Variants in TBCEL observed in about 807,000 individuals in gnomAD.
The protein encoded by TBCEL is tubulin folding cofactor E like.
Under a neutral mutation model 44.2 loss-of-function variants are expected in TBCEL, and 15 were observed. The ratio of observed to expected loss-of-function variants is 0.34; its 90% CI spans 0.23 to 0.52. The LOEUF is 0.52. TBCEL is among the 20% of genes least tolerant of loss of function. TBCEL has a pLI of 0.95. For synonymous variants in TBCEL, 171 were observed against 185.4 expected (o/e 0.92, Z 0.63); for missense variants, 319 against 506.3 (o/e 0.63, Z 3.55).
At chr11:121,043,296 A>G (rs1237545884) in intron 2 of TBCEL, among the ~76,000 whole-genome samples, 3 of 152,142 alleles carry the variant, frequency 2.0e-5, no homozygotes, top group Non-Finnish European at 2.9e-5. Context: ...GATGCTATGA[A>G]TTGATACTGA....
At chr11:121,082,490 T>C (rs563082450) in intron 8 of TBCEL, among the ~76,000 whole-genome samples, 22 of 152,324 alleles carry the variant, frequency 1.4e-4, no homozygotes, top group African/African-American at 4.6e-4. Flanking sequence ...TACCCAGATA[T>C]GGGAGCCAAA....
At chr11:121,041,788 C>A (rs1945337816) in intron 2 of TBCEL, among the ~76,000 whole-genome samples, 1 of 151,860 alleles carries the variant, frequency 6.6e-6, no homozygotes, top group Non-Finnish European at 1.5e-5. Context: ...ATCCATTTCA[C>A]AATCTTGATG....
chr11:121,075,734 T>A (rs1182187901), intron 8 of TBCEL, among the ~76,000 whole-genome samples: 1 of 151,948 alleles, frequency 6.6e-6, no homozygotes, highest in Non-Finnish European at 1.5e-5. Context: ...CATGTGTTGC[T>A]TAATGACAGG....
chr11:121,062,914 T>C (rs886718797), intron 8 of TBCEL, among the ~76,000 whole-genome samples: 1 of 152,176 alleles, frequency 6.6e-6, no homozygotes, highest in Non-Finnish European at 1.5e-5. Flanking sequence ...CATTGGACTT[T>C]TTATTCCCTC....
intron 8 of TBCEL, among the ~76,000 whole-genome samples, chr11:121,076,836 A>T (rs986431692): frequency 2.0e-5 from 3 of 152,002 alleles, no homozygotes; most frequent in African/African-American, 7.2e-5. Context: ...ATTTCCTTCT[A>T]TTCCAAGTTT....
intron 8 of TBCEL, among the ~76,000 whole-genome samples, chr11:121,080,932 G>A (rs562039974): frequency 3.9e-5 from 6 of 152,284 alleles, no homozygotes; most frequent in South Asian, 2.1e-4. Context: ...GTGTATGAAG[G>A]CTTGCTTATT....
chr11:121,038,028 C>T (rs1032353861), intron 2 of TBCEL, among the ~76,000 whole-genome samples: 4 of 151,548 alleles, frequency 2.6e-5, no homozygotes, highest in African/African-American at 9.7e-5. Flanking sequence ...GGCACGATCT[C>T]GACTCACTGC....
At chr11:121,062,497 T>G (rs1945743117) in intron 8 of TBCEL, among the ~76,000 whole-genome samples, 1 of 152,172 alleles carries the variant, frequency 6.6e-6, no homozygotes, top group African/African-American at 2.4e-5. Context: ...GTTATGATGC[T>G]AAGATGTCAC....
In TBCEL at chr11:121,087,091, A is replaced by G; in HGVS notation, c.1270A>G (p.Lys424Glu). The change falls in exon 9 of 9, where the codon AAA (lysine) becomes GAA (glutamate). Residue 424 changes from lysine to glutamate, a missense_variant. Coordinates refer to ENST00000683345, the MANE Select transcript of TBCEL (RefSeq NM_001363644.2). ...GDKIYVESKT[K>E] ...TAAAATTTACGTGGAATCCAAAACA[A>G]AATAACCTCTACCAGCCTTGTGAAA... 6 of 1,612,526 alleles carry G rather than the reference A, an allele frequency of 3.7e-6. No individual in the cohort carries two copies. Among genetic ancestry groups the G allele is most frequent in the Non-Finnish European group, 5.1e-6 (6 of 1,179,358 alleles).
intron 7 of TBCEL, among the ~76,000 whole-genome samples, chr11:121,059,104 A>G (rs953617893): frequency 2.0e-5 from 3 of 151,948 alleles, no homozygotes; most frequent in Admixed American, 2.0e-4. Context: ...TGTATACTAT[A>G]CATAGCAGTT....
chr11:121,036,428 A>T (rs1013529994), intron 1 of TBCEL, 77 bp from the exon 2 acceptor site: 2 of 152,294 alleles, frequency 1.3e-5, no homozygotes, highest in African/African-American at 2.4e-5. Context: ...TTGGAGTAAA[A>T]GTCAGTGAAT....
Position 121,024,112 on chromosome 11 carries a change from CA to C in TBCEL, c.-303del, listed in dbSNP as rs1018401438. On this transcript the variant is annotated 5_prime_UTR_variant, in exon 1 of 9. In the 5' UTR this introduces an upstream ATG that the reference lacks. Coordinates refer to ENST00000683345, the MANE Select transcript of TBCEL (RefSeq NM_001363644.2). Reference sequence around the variant, plus strand: ...TGGGCCGGGAAAGCTGCTTCCGGGTCAATGCAGGACACTGGGCTCCGGCGGC... The same window carrying C: ...TGGGCCGGGAAAGCTGCTTCCGGGTCATGCAGGACACTGGGCTCCGGCGGC... 1 of 152,838 alleles carries C rather than the reference CA, an allele frequency of 6.5e-6. No homozygotes were observed. Among genetic ancestry groups the C allele is most frequent in the Non-Finnish European group, 1.5e-5 (1 of 68,204 alleles). 9.5% of individuals were successfully genotyped at this position (152,838 alleles called of 1,614,324 possible). A position where few individuals can be genotyped will look rare whatever the true frequency, so the allele number is the denominator to read the frequency against.
chr11:121,083,947 AATATCAGGGTG>A lies in TBCEL; in HGVS notation c.957-2830_957-2820del, dbSNP rs1398105505. Among the ~76,000 whole-genome samples the A allele has an allele frequency of 4.6e-5, 7 of 152,202 alleles. No homozygotes were observed. The East Asian group carries it at 1.2e-3, about 25-fold the overall frequency. ...CTCAGTTCTGCAGGCTAGAAAGTCC[AATATCAGGGTG>A]CCAGCATCTGGCTGTGGCTTTTCTA... On this transcript the variant is annotated intron_variant, in intron 8 of 8. Transcript: ENST00000683345.
intron 2 of TBCEL, among the ~76,000 whole-genome samples, chr11:121,042,464 C>A (rs777832814): frequency 2.6e-5 from 4 of 152,122 alleles, no homozygotes; most frequent in Non-Finnish European, 5.9e-5. Flanking sequence ...AATTTTGACA[C>A]ACTCAGTGTT....
chr11:121,047,503 A>C, intron 3 of TBCEL, 25 bp from the exon 4 acceptor site: 1 of 1,608,746 alleles, frequency 6.2e-7, no homozygotes, highest in Non-Finnish European at 8.5e-7. Flanking sequence ...GATATAGAAA[A>C]CATTTTGTGT....
intron 8 of TBCEL, among the ~76,000 whole-genome samples, chr11:121,068,620 A>G (rs1220931407): frequency 6.6e-6 from 1 of 152,140 alleles, no homozygotes; most frequent in Non-Finnish European, 1.5e-5. Context: ...GCAGTGGCTC[A>G]TGCCTGTAAT....
chr11:121,077,626 T>G (rs1946055939), intron 8 of TBCEL, among the ~76,000 whole-genome samples: 1 of 152,088 alleles, frequency 6.6e-6, no homozygotes, highest in Admixed American at 6.5e-5. Flanking sequence ...TGATTTCTGC[T>G]CATATCTTTA....
At chr11:121,079,919 A>G (rs759497146) in intron 8 of TBCEL, among the ~76,000 whole-genome samples, 3 of 152,080 alleles carry the variant, frequency 2.0e-5, no homozygotes, top group Non-Finnish European at 4.4e-5. Flanking sequence ...GGTTCAAGCA[A>G]TTCTCCTGCC....
At chr11:121,061,589 A>G (rs1033247635) in intron 8 of TBCEL, among the ~76,000 whole-genome samples, 36 of 152,240 alleles carry the variant, frequency 2.4e-4, no homozygotes, top group African/African-American at 7.9e-4. Context: ...CTCCTAGGCT[A>G]TAAACCTGTA....
Sources: allele counts gnomAD v4.1 joint callset (sites outside exome capture counted in the v4.1 genomes callset), GRCh38; gene constraint gnomAD v4.1.1; transcripts MANE v1.5; gene names NCBI Gene and HGNC (gene_info 2026-07-23, HGNC 2026-07-21).